Variants in THSD4 observed in about 807,000 individuals in gnomAD.
THSD4 encodes thrombospondin type-1 domain-containing protein 4.
THSD4 carries 69 observed loss-of-function variants against 119.0 expected under a neutral mutation model. That is an observed-to-expected ratio of 0.58 (90% confidence interval 0.48 to 0.71). THSD4 has a LOEUF of 0.71. THSD4 is among the 30% of genes least tolerant of loss of function. THSD4 has a pLI of 0.00. For synonymous variants in THSD4, 524 were observed against 540.4 expected, an observed-to-expected ratio of 0.97 and a Z score of 0.42; for missense variants, 1,393 against 1,391.1, an observed-to-expected ratio of 1.00 and a Z score of -0.02.
chr15:71,215,735 A>C (rs549073596), intron 4 of THSD4, among the ~76,000 whole-genome samples: 1 of 152,276 alleles, frequency 6.6e-6, no homozygotes, highest in South Asian at 2.1e-4. Context: ...GCCGGGAAGG[A>C]GAGATCCTCA....
At position 71,419,526 on chromosome 15, in the gene THSD4, G is replaced by GT. The variant is rs752971951; in HGVS notation, c.1152+7709dup. Among the ~76,000 whole-genome samples, 9 of 107,624 alleles carry GT rather than the reference G, an allele frequency of 8.4e-5. 3 individuals carry two copies. Among genetic ancestry groups the GT allele is most frequent in the African/African-American group, 1.6e-4 (5 of 31,670 alleles). 70.6% of individuals were successfully genotyped at this position (107,624 alleles called of 152,430 possible). ...TTATTTATCTTTTACTAATTTTGGG[G>GT]TTTTTTCTTGTATTTCTAGTTCTTT... On this transcript the variant is annotated intron_variant, in intron 7 of 17. Transcript: ENST00000261862.
chr15:71,558,403 G>A (rs530598377), intron 7 of THSD4, among the ~76,000 whole-genome samples: 3 of 152,264 alleles, frequency 2.0e-5, no homozygotes, highest in African/African-American at 7.2e-5. Flanking sequence ...ATTAAAGATG[G>A]CAATTTTTTC....
At chr15:71,697,310 G>T (rs2141063381) in intron 8 of THSD4, among the ~76,000 whole-genome samples, 1 of 152,332 alleles carries the variant, frequency 6.6e-6, no homozygotes, top group South Asian at 2.1e-4. Flanking sequence ...GCATGAACAA[G>T]ATCTATGAGA....
chr15:71,490,309 C>T (rs555244162), intron 7 of THSD4, among the ~76,000 whole-genome samples: 17 of 152,136 alleles, frequency 1.1e-4, no homozygotes, highest in African/African-American at 3.9e-4. Flanking sequence ...ACCTGTAATC[C>T]CAGCACTTTG....
intron 7 of THSD4, among the ~76,000 whole-genome samples, chr15:71,529,686 A>C (rs1029260307): frequency 6.6e-6 from 1 of 152,240 alleles, no homozygotes; most frequent in Non-Finnish European, 1.5e-5. Context: ...CAGAAATTAG[A>C]CAATCATCAA....
intron 8 of THSD4, among the ~76,000 whole-genome samples, chr15:71,696,230 T>C (rs2052162784): frequency 6.6e-6 from 1 of 152,220 alleles, no homozygotes; most frequent in African/African-American, 2.4e-5. Context: ...GCCGTGGTTT[T>C]GGTGAGGGCT....
In THSD4 at chr15:71,315,241, G is replaced by A. The variant is rs146719243; in HGVS notation, c.1015+58526G>A. On this transcript the variant is annotated intron_variant, in intron 6 of 17. Transcript: ENST00000261862. ...ATACCTGCATTCACCTGTGCTCTGG[G>A]CTGGCTCTAACTGTGCAACTGGTGA... Among the ~76,000 whole-genome samples, 390 of 152,336 alleles carry A rather than the reference G, an allele frequency of 2.6e-3. 1 individual carries two copies. The highest frequency in any genetic ancestry group is 9.0e-3 in the African/African-American group (374 of 41,574).
chr15:71,215,504 T>A, intron 4 of THSD4, 105 bp downstream of exon 4: 2 of 1,172,206 alleles, frequency 1.7e-6, no homozygotes, highest in Non-Finnish European at 2.3e-6. Context: ...ACAGTGCGAC[T>A]AATGCATTGC....
intron 6 of THSD4, among the ~76,000 whole-genome samples, chr15:71,317,293 C>T (rs2045200930): frequency 6.6e-6 from 1 of 152,160 alleles, no homozygotes; most frequent in South Asian, 2.1e-4. Flanking sequence ...TGTATTAGTC[C>T]ATTCTCACCC....
At chr15:71,407,439 A>G (rs1392986215) in intron 6 of THSD4, among the ~76,000 whole-genome samples, 1 of 152,062 alleles carries the variant, frequency 6.6e-6, no homozygotes, top group South Asian at 2.1e-4. Context: ...TTTTGAGTTT[A>G]TTACTTTTTA....
At chr15:71,431,750 A>G (rs768465238) in intron 7 of THSD4, among the ~76,000 whole-genome samples, 6 of 152,162 alleles carry the variant, frequency 3.9e-5, no homozygotes, top group Non-Finnish European at 7.3e-5. Flanking sequence ...TGTATACCAT[A>G]GGGGAAAGGT....
At chr15:71,715,446 T>C (rs2052588899) in intron 8 of THSD4, among the ~76,000 whole-genome samples, 2 of 152,208 alleles carry the variant, frequency 1.3e-5, no homozygotes, top group Non-Finnish European at 2.9e-5. Context: ...TCCTAACTTT[T>C]GGAATTTTTG....
intron 4 of THSD4, among the ~76,000 whole-genome samples, chr15:71,239,053 G>A (rs1003800555): frequency 1.3e-5 from 2 of 152,164 alleles, no homozygotes; most frequent in African/African-American, 4.8e-5. Flanking sequence ...GCCAAAGTTG[G>A]TAGAGCTATT....
intron 7 of THSD4, among the ~76,000 whole-genome samples, chr15:71,584,688 T>C (rs1239335743): frequency 6.6e-6 from 1 of 152,232 alleles, no homozygotes; most frequent in African/African-American, 2.4e-5. Flanking sequence ...TTTGATTAGA[T>C]AATTTAATCT....
intron 6 of THSD4, among the ~76,000 whole-genome samples, chr15:71,258,245 C>A (rs1215430260): frequency 6.6e-6 from 1 of 152,142 alleles, no homozygotes; most frequent in Non-Finnish European, 1.5e-5. Flanking sequence ...GTGGCGTGAT[C>A]TCAGCTCACT....
intron 8 of THSD4, among the ~76,000 whole-genome samples, chr15:71,724,287 A>ATATATATATATTTTT: frequency 2.1e-4 from 8 of 37,288 alleles, no homozygotes; most frequent in Admixed American, 8.2e-4. Context: ...ATATATATAT[A>ATATATATATATTTTT]TTTTTTTTTT....
In THSD4 at chr15:71,570,892, A is replaced by G. The variant is rs544782350; in HGVS notation, c.1153-89638A>G. On this transcript the variant is annotated intron_variant, in intron 7 of 17. Transcript: ENST00000261862. ...TGTCTGTGGCTCCAGGCAGTTTCCCAGACTACACTCCAGGGTGTTCCCAGT... is the reference window on the plus strand; with the variant it reads ...TGTCTGTGGCTCCAGGCAGTTTCCCGGACTACACTCCAGGGTGTTCCCAGT... 1.5e-4 allele frequency among the ~76,000 whole-genome samples: 23 copies of G among 152,204 alleles called. 1 individual carries two copies. The East Asian group carries it at 4.5e-3, about 30-fold the overall frequency.
At chr15:71,299,976 A>AATAT (rs1185451144) in intron 6 of THSD4, among the ~76,000 whole-genome samples, 19 of 48,294 alleles carry the variant, frequency 3.9e-4, no homozygotes, top group East Asian at 3.0e-3. Flanking sequence ...AAAAAAAAAA[A>AATAT]ATATATATAT....
intron 1 of THSD4, among the ~76,000 whole-genome samples, chr15:71,138,049 C>T (rs1020585703): frequency 6.6e-6 from 1 of 152,162 alleles, no homozygotes; most frequent in African/African-American, 2.4e-5. Context: ...CCCTTCCTTT[C>T]CTGACACAAC....
Sources: allele counts gnomAD v4.1 joint callset (sites outside exome capture counted in the v4.1 genomes callset), GRCh38; gene constraint gnomAD v4.1.1; transcripts MANE v1.5; gene names NCBI Gene and HGNC (gene_info 2026-07-23, HGNC 2026-07-21).